ABCB1: variants seen among roughly 807,000 people sequenced by gnomAD.
The protein encoded by ABCB1 is ATP binding cassette subfamily B member 1, also known as ATP-dependent translocase ABCB1.
Under a neutral mutation model 142.0 loss-of-function variants are expected in ABCB1, and 69 were observed. The ratio of observed to expected loss-of-function variants is 0.49; its 90% CI spans 0.40 to 0.59. The LOEUF is 0.59. Ranked by LOEUF, ABCB1 falls within the 20% of genes least tolerant of loss-of-function variation. ABCB1 has a pLI of 0.00. For synonymous variants in ABCB1, 532 were observed against 539.2 expected, an observed-to-expected ratio of 0.99 and a Z score of 0.18; for missense variants, 1,326 against 1,554.7, an observed-to-expected ratio of 0.85 and a Z score of 2.47.
At chr7:87,709,538 C>T in intron 1 of ABCB1, 1 of 984,618 alleles carries the variant, frequency 1.0e-6, no homozygotes, top group Non-Finnish European at 1.2e-6. Context: ...GCTAACCATA[C>T]CCTTATCATT....
chr7:87,583,409 C>A, intron 4 of ABCB1, among the ~76,000 whole-genome samples: 1 of 152,142 alleles, frequency 6.6e-6, no homozygotes, highest in East Asian at 1.9e-4. Flanking sequence ...AAGAGAATAA[C>A]AAAAGTAAAC....
intron 3 of ABCB1, among the ~76,000 whole-genome samples, chr7:87,588,317 A>AT (rs1233461382): frequency 1.3e-5 from 2 of 152,028 alleles, no homozygotes; most frequent in Non-Finnish European, 2.9e-5. Flanking sequence ...ATTTTTCCTG[A>AT]TCCTCTCCCT....
chr7:87,698,841 G>T (rs1327057003), intron 1 of ABCB1, among the ~76,000 whole-genome samples: 2 of 152,146 alleles, frequency 1.3e-5, no homozygotes, highest in Non-Finnish European at 2.9e-5. Context: ...ACTAGCTGTT[G>T]GGATCATACA....
chr7:87,632,161 T>C (rs1435950250), intron 1 of ABCB1, among the ~76,000 whole-genome samples: 1 of 152,154 alleles, frequency 6.6e-6, no homozygotes, highest in Non-Finnish European at 1.5e-5. Flanking sequence ...TATCCACTTA[T>C]ACTTTCACAG....
At chr7:87,523,755 C>T (rs1373008608) in intron 21 of ABCB1, among the ~76,000 whole-genome samples, 1 of 152,094 alleles carries the variant, frequency 6.6e-6, no homozygotes, top group Non-Finnish European at 1.5e-5. Flanking sequence ...CAAAGAACAC[C>T]AGTGTACAAG....
intron 23 of ABCB1, among the ~76,000 whole-genome samples, 176 bp from the exon 24 acceptor site, chr7:87,516,841 A>T (rs1046770695): frequency 5.4e-5 from 8 of 147,850 alleles, no homozygotes. Flanking sequence ...GGCTTAAGCG[A>T]TCTTCCCACC....
At position 87,545,946 on chromosome 7, in the gene ABCB1, C is replaced by A. The variant is rs201365503; in HGVS notation, c.1804G>T (p.Asp602Tyr). 1.2e-6 allele frequency: 2 copies of A among 1,614,116 alleles called. No homozygotes were observed. Among genetic ancestry groups the A allele is most frequent in the Admixed American group, 1.7e-5 (1 of 60,020 alleles). ...CCTTTCTCCACAATGACTCCATCAT[C>A]GAAACCAGCGATGACGTCAGCATTA... Reference protein sequence around the residue: ...VRNADVIAGFDDGVIVEKGNH... With the variant: ...VRNADVIAGFYDGVIVEKGNH... Residue 602 changes from aspartate to tyrosine, a missense_variant, in exon 15 of 28, where the codon GAT (aspartate) becomes TAT (tyrosine). Asp to Tyr is a radical substitution (Grantham distance 160). Transcript: ENST00000622132.
At chr7:87,644,719 A>G (rs1485597438) in intron 1 of ABCB1, among the ~76,000 whole-genome samples, 1 of 152,060 alleles carries the variant, frequency 6.6e-6, no homozygotes, top group Non-Finnish European at 1.5e-5. Flanking sequence ...GTAAAGGGAT[A>G]GGAATATAAT....
At chr7:87,639,468 T>G (rs1822209854) in intron 1 of ABCB1, among the ~76,000 whole-genome samples, 3 of 152,188 alleles carry the variant, frequency 2.0e-5, no homozygotes, top group African/African-American at 7.2e-5. Context: ...TGTATACTCT[T>G]TAGTATTGAG....
At chr7:87,593,950 G>T (rs1245467110) in intron 3 of ABCB1, among the ~76,000 whole-genome samples, 2 of 152,188 alleles carry the variant, frequency 1.3e-5, no homozygotes, top group Non-Finnish European at 2.9e-5. Context: ...CTCCTAGTCT[G>T]AATCACTGAA....
rs1191465275 is a variant in ABCB1, at chr7:87,544,141, T to C, written c.2199A>G (p.Ser733=). 2 of 1,613,822 alleles carry C rather than the reference T, an allele frequency of 1.2e-6. No individual in the cohort carries two copies. Among genetic ancestry groups the C allele is most frequent in the East Asian group, 2.2e-5 (1 of 44,816 alleles). ...GLQPAFAIIF[S]KIIGVFTRID... is the part of the protein sequence containing the mutation. ...GCATCACACTTACCCCTATAATCTT[T>C]GAAAATATTATTGCAAATGCTGGTT... The change falls in exon 17 of 28, where the codon TCA becomes TCG. Residue 733 remains serine (S), a synonymous_variant. Transcript: ENST00000622132.
intron 1 of ABCB1, among the ~76,000 whole-genome samples, chr7:87,675,632 A>G (rs1351615887): frequency 6.8e-6 from 1 of 146,872 alleles, no homozygotes; most frequent in African/African-American, 2.6e-5. Flanking sequence ...AATAGTGTTC[A>G]GAAAACTGAA....
intron 9 of ABCB1, among the ~76,000 whole-genome samples, chr7:87,551,658 T>C (rs1817074574): frequency 7.4e-6 from 1 of 134,656 alleles, no homozygotes; most frequent in African/African-American, 2.6e-5. Flanking sequence ...ATCTGGCTAA[T>C]TAAAAAAAAA....
At chr7:87,710,732 G>A in intron 1 of ABCB1, 1 of 742,958 alleles carries the variant, frequency 1.3e-6, no homozygotes, top group Non-Finnish European at 2.2e-6. Flanking sequence ...ATAGGATGAA[G>A]AATCAATTTC....
At chr7:87,551,438 T>G (rs1276324049) in intron 9 of ABCB1, among the ~76,000 whole-genome samples, 1 of 152,248 alleles carries the variant, frequency 6.6e-6, no homozygotes, top group Non-Finnish European at 1.5e-5. Context: ...AACATCACAT[T>G]GTATTCCGTA....
At chr7:87,510,021 C>A (rs1814934721) in intron 25 of ABCB1, among the ~76,000 whole-genome samples, 1 of 152,126 alleles carries the variant, frequency 6.6e-6, no homozygotes. Context: ...TCCTTTGGAG[C>A]CTCTAGAAGG....
intron 1 of ABCB1, chr7:87,709,654 T>G: frequency 7.1e-6 from 2 of 281,006 alleles, no homozygotes; most frequent in Non-Finnish European, 5.4e-6. Context: ...GTGAATTCAC[T>G]AGACTTGCAG....
chr7:87,574,499 C>T (rs1376392810), intron 4 of ABCB1, among the ~76,000 whole-genome samples: 2 of 152,286 alleles, frequency 1.3e-5, no homozygotes, highest in Non-Finnish European at 2.9e-5. Flanking sequence ...ACATTTGCTA[C>T]ATCCCTTTCT....
In ABCB1 at chr7:87,597,555, T is replaced by C. The variant is rs191215710; in HGVS notation, c.69-1741A>G. Among the ~76,000 whole-genome samples, 159 of 152,222 alleles carry C rather than the reference T, an allele frequency of 1.0e-3. 1 individual carries two copies. Among genetic ancestry groups the C allele is most frequent in the African/African-American group, 3.7e-3 (154 of 41,560 alleles). ...AAAGATCATACAATTTTCTTTACTG[T>C]TTCTCTTCACATACCCTCAATATTT... On this transcript the variant is annotated intron_variant, in intron 2 of 27. Transcript: ENST00000622132.
Sources: allele counts gnomAD v4.1 joint callset (sites outside exome capture counted in the v4.1 genomes callset), GRCh38; gene constraint gnomAD v4.1.1; transcripts MANE v1.5; gene names NCBI Gene and HGNC (gene_info 2026-07-23, HGNC 2026-07-21).